Variants in SPOUT1 observed in about 807,000 individuals in gnomAD.
SPOUT1 encodes 28S rRNA (uridine-N(3))-methyltransferase.
In SPOUT1, 40 loss-of-function variants were observed where a neutral mutation model predicts 54.8. The observed-to-expected ratio is 0.73, with a 90% CI of 0.57 to 0.95. SPOUT1 has a LOEUF of 0.95. SPOUT1 is among the 40% of genes least tolerant of loss of function. The pLI is 0.00. For missense variants in SPOUT1, 437 were observed against 499.5 expected (o/e 0.87, Z 1.19); for synonymous variants, 193 against 200.3 (o/e 0.96, Z 0.31).
Position 128,827,168 on chromosome 9 carries a change from C to CTA in SPOUT1, c.230_231dup (p.Ala78Ter). ...TTGTCCAGGATGGAGCCCGGCAGGG[C>CTA]TACGCTCAGTGTGTAGGGCCGCCCT... On this transcript the variant is annotated frameshift_variant, in exon 4 of 12. Transcript: ENST00000361256. LOFTEE classifies it high-confidence loss of function. 2.5e-6 allele frequency: 4 copies of CTA among 1,613,490 alleles called. No individual in the cohort carries two copies. The highest frequency in any genetic ancestry group is 3.4e-6 in the Non-Finnish European group (4 of 1,179,982).
chr9:128,823,924 C>A, intron 10 of SPOUT1, 30 bp from the exon 11 acceptor site: 1 of 1,609,364 alleles, frequency 6.2e-7, no homozygotes, highest in Non-Finnish European at 8.5e-7. Flanking sequence ...GTCACCTGAG[C>A]GGCCACCGAG....
chr9:128,821,044 C>A lies in SPOUT1; in HGVS notation c.*1721G>T, dbSNP rs1014374635. ...ACAGCCAAAGACCTGTCGGGTACCC[C>A]TGACCATCTCTCCTCTGCCCATGGG... is the stretch of plus-strand genomic sequence containing the variant. On this transcript the variant is annotated 3_prime_UTR_variant, in exon 12 of 12. Coordinates refer to ENST00000361256, the MANE Select transcript of SPOUT1 (RefSeq NM_016390.4). The A allele has an allele frequency of 3.4e-6, 2 of 594,654 alleles. No homozygotes were observed. Among genetic ancestry groups the A allele is most frequent in the East Asian group, 5.6e-5 (2 of 35,614 alleles). The allele number at this position is 594,654 out of a possible 1,614,324, so 36.8% of individuals were successfully genotyped here.
intron 2 of SPOUT1, 101 bp downstream of exon 2, chr9:128,829,009 T>C: frequency 6.7e-7 from 1 of 1,500,034 alleles, no homozygotes; most frequent in South Asian, 1.1e-5. Context: ...CTTTGTGTGC[T>C]GCAGGACCCA....
chr9:128,826,117 G>C lies in SPOUT1; in HGVS notation c.544C>G (p.Arg182Gly). ...CGGAACTCGGATTCCTCATCCTGAC[G>C]CATGTGGTGGGGGCTGTCCAGGGGG... is the stretch of plus-strand genomic sequence containing the variant. ...LNPLDSPHHMRQDEESEFREG... is the reference protein window; with the variant it reads ...LNPLDSPHHMGQDEESEFREG... The change falls in exon 7 of 12, where the codon CGT becomes GGT. Residue 182 changes from arginine (R) to glycine (G), a missense_variant. Coordinates refer to ENST00000361256, the MANE Select transcript of SPOUT1 (RefSeq NM_016390.4). This position sits in a 1 kb window ranked among gnomAD's most constrained non-coding sequence, Gnocchi z 5.5. 2 of 1,612,468 alleles carry C rather than the reference G, an allele frequency of 1.2e-6. No homozygotes were observed. Among genetic ancestry groups the C allele is most frequent in the Non-Finnish European group, 1.7e-6 (2 of 1,179,102 alleles).
At position 128,822,644 on chromosome 9, in the gene SPOUT1, G is replaced by A. The variant is rs915908199; in HGVS notation, c.*121C>T. The A allele has an allele frequency of 1.0e-5, 16 of 1,557,696 alleles. No individual in the cohort carries two copies. The highest frequency in any genetic ancestry group is 6.8e-5 in the African/African-American group (5 of 73,690). On this transcript the variant is annotated 3_prime_UTR_variant, in exon 12 of 12. Coordinates refer to ENST00000361256, the MANE Select transcript of SPOUT1 (RefSeq NM_016390.4). ...CCCAGTGAGACTGTGGGTGTGTGCA[G>A]GCCGGGGAGTATTAAAGGTGGTGAT...
Position 128,822,139 on chromosome 9 carries a change from A to G in SPOUT1, c.*626T>C. The G allele has an allele frequency of 1.5e-6, 1 of 657,982 alleles. No individual in the cohort carries two copies. The allele number at this position is 657,982 out of a possible 1,614,324, so 40.8% of individuals were successfully genotyped here. A position where few individuals can be genotyped will look rare whatever the true frequency, so the allele number is the denominator to read the frequency against. ...GTTGGGCATAAGGAAAACAGAGGGA[A>G]AGAGTTAACCACCCTGGAGAGAGTT... On this transcript the variant is annotated 3_prime_UTR_variant, in exon 12 of 12. Transcript: ENST00000361256.
chr9:128,822,229 T>A lies in SPOUT1; in HGVS notation c.*536A>T. On this transcript the variant is annotated 3_prime_UTR_variant, in exon 12 of 12. Coordinates refer to ENST00000361256, the MANE Select transcript of SPOUT1 (RefSeq NM_016390.4). ...ACAGTGAGGGCGTGGTCCTGCAGGT[T>A]GACAGAAGTTAGAGGACAGATCAGG... is the stretch of plus-strand genomic sequence containing the variant. 1.4e-6 allele frequency: 2 copies of A among 1,442,608 alleles called. No individual in the cohort carries two copies. Among genetic ancestry groups the A allele is most frequent in the South Asian group, 2.7e-5 (2 of 75,204 alleles). The allele number at this position is 1,442,608 out of a possible 1,614,324, so 89.4% of individuals were successfully genotyped here.
intron 7 of SPOUT1, among the ~76,000 whole-genome samples, chr9:128,825,413 C>T (rs1830221618): frequency 6.6e-6 from 1 of 152,106 alleles, no homozygotes; most frequent in African/African-American, 2.4e-5. Context: ...CTCACTGCAA[C>T]CTCTGTCTCC....
In SPOUT1 at chr9:128,819,880, A is replaced by G. The variant is rs1830071637; in HGVS notation, c.*2885T>C. On this transcript the variant is annotated 3_prime_UTR_variant, in exon 12 of 12. Coordinates refer to ENST00000361256, the MANE Select transcript of SPOUT1 (RefSeq NM_016390.4). The stretch of plus-strand genomic sequence containing the variant: ...ACCATAGGGTTCCAGCTCCTATGAC[A>G]ATCTCCAGCCGCCACTGATCTGACA... The G allele has an allele frequency of 6.6e-6, 1 of 151,894 alleles. No homozygotes were observed. Among genetic ancestry groups the G allele is most frequent in the Non-Finnish European group, 1.5e-5 (1 of 68,058 alleles). 9.4% of individuals were successfully genotyped at this position (151,894 alleles called of 1,614,324 possible).
At chr9:128,824,223 G>A in intron 9 of SPOUT1, 49 bp from the exon 10 acceptor site, 2 of 1,027,460 alleles carry the variant, frequency 1.9e-6, no homozygotes, top group Middle Eastern at 2.0e-4. Flanking sequence ...ACAAGCCATA[G>A]CTCCGGGTAT....
chr9:128,828,714 C>G, intron 3 of SPOUT1, 21 bp downstream of exon 3: 1 of 1,612,370 alleles, frequency 6.2e-7, no homozygotes, highest in Non-Finnish European at 8.5e-7. Flanking sequence ...ACCTGTGGCC[C>G]TCCCCAAGAC....
chr9:128,824,051 G>A lies in SPOUT1; in HGVS notation c.914+21C>T, dbSNP rs370295136. The A allele has an allele frequency of 5.1e-5, 82 of 1,599,628 alleles. No individual in the cohort carries two copies. The African/African-American group carries it at 9.5e-4, about 19-fold the overall frequency. ...TGGCCACATTCCTCCTGCCCTGGCC[G>A]CAGCCCCAGGAGGTACACACCTGAA... On this transcript the variant is annotated intron_variant, in intron 10 of 11. Transcript: ENST00000361256.
At chr9:128,828,695 TGGGCCACAACC>T (rs1564436832) in intron 3 of SPOUT1, 29 bp downstream of exon 3, 1 of 1,608,394 alleles carries the variant, frequency 6.2e-7, no homozygotes, top group East Asian at 2.2e-5. Flanking sequence ...ACAACTACCG[TGGGCCACAACC>T]TGTGGCCCTC....
In SPOUT1 at chr9:128,822,448, C is replaced by G; in HGVS notation, c.*317G>C. On this transcript the variant is annotated 3_prime_UTR_variant, in exon 12 of 12. Transcript: ENST00000361256. ...AGGCAGCAGGTGGGCAAATTGAGCT[C>G]CGCACCTACGTGATGCCCAACGCAC... The G allele has an allele frequency of 1.3e-6, 2 of 1,588,672 alleles. No individual in the cohort carries two copies. The highest frequency in any genetic ancestry group is 1.7e-6 in the Non-Finnish European group (2 of 1,167,298).
chr9:128,823,926 GCCA>G (rs1265550474), intron 10 of SPOUT1, 32 bp from the exon 11 acceptor site: 3 of 1,609,004 alleles, frequency 1.9e-6, no homozygotes, highest in Non-Finnish European at 2.5e-6. Flanking sequence ...CACCTGAGCG[GCCA>G]CCGAGGCCCC....
At position 128,822,564 on chromosome 9, in the gene SPOUT1, T is replaced by C; in HGVS notation, c.*201A>G. 1 of 1,564,998 alleles carries C rather than the reference T, an allele frequency of 6.4e-7. No individual in the cohort carries two copies. Among genetic ancestry groups the C allele is most frequent in the East Asian group, 2.3e-5 (1 of 42,772 alleles). ...GGGCTGCTCTTTGTGCCAAACATCCTGGCGCGGGCAGGCAGCCTCAAGGCC... is the reference window on the plus strand; with the variant it reads ...GGGCTGCTCTTTGTGCCAAACATCCCGGCGCGGGCAGGCAGCCTCAAGGCC... On this transcript the variant is annotated 3_prime_UTR_variant, in exon 12 of 12. Transcript: ENST00000361256.
chr9:128,822,186 G>A lies in SPOUT1; in HGVS notation c.*579C>T, dbSNP rs180671988. On this transcript the variant is annotated 3_prime_UTR_variant, in exon 12 of 12. Coordinates refer to ENST00000361256, the MANE Select transcript of SPOUT1 (RefSeq NM_016390.4). Reference sequence around the variant, plus strand: ...AGTTCCAGCCTCAAGGAGGAGCCAGGCAGGCTACAGAAGTCTCACAGTGAG... The same window carrying A: ...AGTTCCAGCCTCAAGGAGGAGCCAGACAGGCTACAGAAGTCTCACAGTGAG... 23 of 959,182 alleles carry A rather than the reference G, an allele frequency of 2.4e-5. No individual in the cohort carries two copies. The African/African-American group carries it at 3.5e-4, about 14-fold the overall frequency. 59.4% of individuals were successfully genotyped at this position (959,182 alleles called of 1,614,324 possible).
rs1830292015 is a variant in SPOUT1, at chr9:128,828,822, T to C, written c.121A>G (p.Met41Val). Residue 41 changes from methionine to valine, a missense_variant, in exon 3 of 12, where the codon ATG (methionine) becomes GTG (valine). Met to Val is a conservative substitution (Grantham distance 21). Transcript: ENST00000361256. ...GCCCGCTGCCGCTCCAGTTTTTTCA[T>C]CAGCTTGAGATCCTTCCATTTTTTT... ...EKKKWKDLKLMKKLERQRAQE... is the reference protein window; with the variant it reads ...EKKKWKDLKLVKKLERQRAQE... The C allele has an allele frequency of 6.2e-7, 1 of 1,614,162 alleles. No homozygotes were observed. Among genetic ancestry groups the C allele is most frequent in the East Asian group, 2.2e-5 (1 of 44,880 alleles).
Position 128,826,408 on chromosome 9 carries a change from TG to T in SPOUT1, c.483del (p.Lys162SerfsTer11). On this transcript the variant is annotated frameshift_variant, in exon 6 of 12. Transcript: ENST00000361256. LOFTEE classifies it high-confidence loss of function. This position sits in a 1 kb window ranked among gnomAD's most constrained non-coding sequence, Gnocchi z 5.5. ...CPQYLRKAFFPKHQDLQFAGL... is the reference protein window; with the variant it reads ...CPQYLRKAFFXKHQDLQFAGL... ...CCTGCAAACTGTAGATCCTGGTGCT[TG>T]GGGAAGAACGCCTTCCTCAGGTACC... 6.2e-7 allele frequency: 1 copy of T among 1,613,974 alleles called. No homozygotes were observed. Among genetic ancestry groups the T allele is most frequent in the South Asian group, 1.1e-5 (1 of 91,068 alleles).
Sources: allele counts gnomAD v4.1 joint callset (sites outside exome capture counted in the v4.1 genomes callset), GRCh38; gene constraint gnomAD v4.1.1; non-coding constraint Gnocchi (gnomAD v3.1); transcripts MANE v1.5; gene names NCBI Gene and HGNC (gene_info 2026-07-23, HGNC 2026-07-21).